The following ENTPD5 variants were observed in gnomAD, a reference collection of about 807,000 sequenced individuals.
The protein encoded by ENTPD5 is ectonucleoside triphosphate diphosphohydrolase 5 (inactive), also known as nucleoside diphosphate phosphatase ENTPD5.
Under a neutral mutation model 60.2 loss-of-function variants are expected in ENTPD5, and 49 were observed. The observed-to-expected ratio is 0.81, with a 90% CI of 0.65 to 1.03. The LOEUF (loss-of-function observed/expected upper bound fraction) is 1.03. ENTPD5 is among the 50% of genes least tolerant of loss of function. ENTPD5 has a pLI of 0.00. For synonymous variants in ENTPD5, 187 were observed against 185.4 expected (o/e 1.01, Z -0.07); for missense variants, 480 against 507.6 (o/e 0.95, Z 0.52).
At chr14:73,991,625 A>AAAAAACAAAAAAAAAAAAAAAAAAAAAG (rs56259684) in intron 3 of ENTPD5, among the ~76,000 whole-genome samples, 4 of 127,968 alleles carry the variant, frequency 3.1e-5, no homozygotes, top group Non-Finnish European at 4.9e-5. Context: ...AAAAAAAAAA[A>AAAAAACAAAAAAAAAAAAAAAAAAAAAG]ACAATTAGGG....
intron 5 of ENTPD5, 131 bp downstream of exon 5, chr14:73,986,683 C>G: frequency 1.4e-6 from 1 of 704,812 alleles, no homozygotes; most frequent in Non-Finnish European, 2.5e-6. Context: ...AGGAGATTAG[C>G]TGAGGAGAGA....
chr14:73,978,318 T>C (rs1375350245), intron 6 of ENTPD5, among the ~76,000 whole-genome samples: 1 of 148,682 alleles, frequency 6.7e-6, no homozygotes, highest in African/African-American at 2.6e-5. Flanking sequence ...AACCTTCCAG[T>C]GGCAGCCGGG....
At chr14:73,979,661 C>CG in intron 6 of ENTPD5, among the ~76,000 whole-genome samples, 1 of 151,964 alleles carries the variant, frequency 6.6e-6, no homozygotes, top group Middle Eastern at 3.4e-3. Flanking sequence ...TTAGTAGAGA[C>CG]GGGGTTTCAC....
rs1463665156 is a variant in ENTPD5, at chr14:73,972,924, GAA to G, written c.985_986del (p.Phe329LeufsTer5). On this transcript the variant is annotated frameshift_variant, in exon 13 of 16. Transcript: ENST00000334696. LOFTEE classifies it high-confidence loss of function. ...EEVQRGSFYAFSYYYDRAVDT... is the reference protein window; with the variant it reads ...EEVQRGSFYAXSYYYDRAVDT... Reference sequence around the variant, plus strand: ...CAACAGCTCGGTCATAATAGTAAGAGAAAGCATAGAAGGAACCTCTCTGGACC... The same window carrying G: ...CAACAGCTCGGTCATAATAGTAAGAGAGCATAGAAGGAACCTCTCTGGACC... 6.2e-7 allele frequency: 1 copy of G among 1,614,096 alleles called. No individual in the cohort carries two copies. The highest frequency in any genetic ancestry group is 8.5e-7 in the Non-Finnish European group (1 of 1,180,048).
chr14:73,971,737 A>G, intron 14 of ENTPD5, 115 bp downstream of exon 14: 1 of 728,010 alleles, frequency 1.4e-6, no homozygotes. Context: ...CAGAAAGGAA[A>G]CTAGCCTTCT....
At chr14:74,018,045 G>A (rs1272708561) in intron 1 of ENTPD5, among the ~76,000 whole-genome samples, 1 of 151,402 alleles carries the variant, frequency 6.6e-6, no homozygotes, top group Non-Finnish European at 1.5e-5. Context: ...AGCCGGGTGT[G>A]GTGGCATGCA....
At chr14:74,011,852 G>A (rs1299222186) in intron 2 of ENTPD5, among the ~76,000 whole-genome samples, 1 of 152,054 alleles carries the variant, frequency 6.6e-6, no homozygotes, top group African/African-American at 2.4e-5. Flanking sequence ...GGTTAAAAGG[G>A]ACCAAGCAGA....
intron 3 of ENTPD5, chr14:74,003,513 G>T: frequency 8.8e-7 from 1 of 1,137,142 alleles, no homozygotes; most frequent in South Asian, 1.3e-5. Flanking sequence ...CACAGGAGCA[G>T]AAACATGGAA....
chr14:73,959,770 A>G (rs2056624905), downstream of ENTPD5: 1 of 1,173,034 alleles, frequency 8.5e-7, no homozygotes, highest in Non-Finnish European at 1.1e-6. Flanking sequence ...AGGTTTCACC[A>G]TGTTGGCCAG....
intron 15 of ENTPD5, among the ~76,000 whole-genome samples, chr14:73,967,318 C>T (rs2057018299): frequency 6.6e-6 from 1 of 152,202 alleles, no homozygotes; most frequent in African/African-American, 2.4e-5. Context: ...CTTTCCCTAA[C>T]GTTGAAACTA....
chr14:73,963,528 T>C lies in ENTPD5; in HGVS notation c.*3400A>G, dbSNP rs1354020558. The C allele has an allele frequency of 1.2e-5, 2 of 163,484 alleles. No individual in the cohort carries two copies. The highest frequency in any genetic ancestry group is 2.6e-5 in the Non-Finnish European group (2 of 75,776). 10.1% of individuals were successfully genotyped at this position (163,484 alleles called of 1,614,324 possible). The stretch of plus-strand genomic sequence containing the variant: ...GTCTCATTAATGCTAGTTATTACTT[T>C]ATCACAGCACCAGATTTCCATTTTA... On this transcript the variant is annotated 3_prime_UTR_variant, in exon 16 of 16. Coordinates refer to ENST00000334696, the MANE Select transcript of ENTPD5 (RefSeq NM_001249.5).
chr14:73,991,490 A>G (rs1481827915), intron 3 of ENTPD5, among the ~76,000 whole-genome samples: 1 of 150,460 alleles, frequency 6.6e-6, no homozygotes, highest in Non-Finnish European at 1.5e-5. Context: ...CAGGAGGCTG[A>G]GGCAGGAACA....
rs1244297289 is a variant in ENTPD5, at chr14:73,987,991, T to C, written c.112A>G (p.Met38Val). The C allele has an allele frequency of 6.2e-7, 1 of 1,614,168 alleles. No individual in the cohort carries two copies. The highest frequency in any genetic ancestry group is 8.5e-7 in the Non-Finnish European group (1 of 1,180,034). ...CTGGCGCTGACATTGATGGGGCACATGGAAGACAGGAAGATACCCTCAAAC... is the reference window on the plus strand; with the variant it reads ...CTGGCGCTGACATTGATGGGGCACACGGAAGACAGGAAGATACCCTCAAAC... ...TWFEGIFLSS[M>V]CPINVSASTL... The change falls in exon 4 of 16, where the codon ATG (methionine) becomes GTG (valine). Residue 38 changes from methionine (M) to valine (V), a missense_variant. Physicochemically the swap from Met to Val is conservative, Grantham distance 21. Transcript: ENST00000334696.
At chr14:73,974,870 G>C in intron 11 of ENTPD5, 54 bp downstream of exon 11, 1 of 1,378,172 alleles carries the variant, frequency 7.3e-7, no homozygotes, top group Non-Finnish European at 1.0e-6. Context: ...AGAAGCAAGC[G>C]GAGTATCTGT....
chr14:73,958,983 G>A, downstream of ENTPD5: 1 of 1,613,942 alleles, frequency 6.2e-7, no homozygotes. Context: ...AGGTGCAGAT[G>A]GTCACAACTC....
In ENTPD5 at chr14:73,978,429, C is replaced by T. The variant is rs200067577; in HGVS notation, c.442-1055G>A. Among the ~76,000 whole-genome samples the T allele has an allele frequency of 4.0e-5, 6 of 151,548 alleles. No individual in the cohort carries two copies. In the East Asian group the frequency reaches 1.2e-3, roughly 29 times the overall value. Reference sequence around the variant, plus strand: ...GACCGGCCTGGCCAACATGATGAAACCCCATCTCTACTAAAAATACAAAAA... The same window carrying T: ...GACCGGCCTGGCCAACATGATGAAATCCCATCTCTACTAAAAATACAAAAA... On this transcript the variant is annotated intron_variant, in intron 6 of 15. Coordinates refer to ENST00000334696, the MANE Select transcript of ENTPD5 (RefSeq NM_001249.5).
intron 3 of ENTPD5, among the ~76,000 whole-genome samples, chr14:73,989,205 G>C (rs2058030970): frequency 6.6e-6 from 1 of 152,160 alleles, no homozygotes; most frequent in South Asian, 2.1e-4. Context: ...CAGGTGGGAG[G>C]ATTGCTTGAG....
chr14:73,958,978 C>T, downstream of ENTPD5: 1 of 1,613,864 alleles, frequency 6.2e-7, no homozygotes, highest in South Asian at 1.1e-5. Flanking sequence ...CAGATAGGTG[C>T]AGATGGTCAC....
At chr14:73,961,969 C>G (rs1207389951), downstream of ENTPD5, 2 of 1,578,326 alleles carry the variant, frequency 1.3e-6, no homozygotes, top group East Asian at 4.5e-5. Flanking sequence ...TTTTTTGAAA[C>G]AGAGTCTTGG....
Sources: allele counts gnomAD v4.1 joint callset (sites outside exome capture counted in the v4.1 genomes callset), GRCh38; gene constraint gnomAD v4.1.1; transcripts MANE v1.5; gene names NCBI Gene and HGNC (gene_info 2026-07-23, HGNC 2026-07-21).